ANKS1B: variants seen among roughly 807,000 people sequenced by gnomAD.
ANKS1B encodes ankyrin repeat and sterile alpha motif domain-containing protein 1B.
Under a neutral mutation model 148.3 loss-of-function variants are expected in ANKS1B, and 36 were observed. The ratio of observed to expected loss-of-function variants is 0.24; its 90% CI spans 0.19 to 0.32. The LOEUF (loss-of-function observed/expected upper bound fraction) is 0.32. Ranked by LOEUF, ANKS1B falls within the 10% of genes least tolerant of loss-of-function variation. ANKS1B has a pLI of 1.00. For synonymous variants in ANKS1B, 542 were observed against 560.8 expected, an observed-to-expected ratio of 0.97 and a Z score of 0.47; for missense variants, 1,157 against 1,542.6, an observed-to-expected ratio of 0.75 and a Z score of 4.19.
intron 19 of ANKS1B, among the ~76,000 whole-genome samples, chr12:98,826,266 C>T (rs146035714): frequency 2.6e-5 from 4 of 152,242 alleles, no homozygotes; most frequent in African/African-American, 9.6e-5. Flanking sequence ...ACAATATTTG[C>T]AAATCCCCTG....
rs545596729 is a variant in ANKS1B at position 99,461,436 on chromosome 12, AAAG to A, written c.1439-17630_1439-17628del. Among the ~76,000 whole-genome samples, 36 of 152,284 alleles carry A rather than the reference AAAG, an allele frequency of 2.4e-4. No individual in the cohort carries two copies. The South Asian group carries it at 4.6e-3, about 19-fold the overall frequency. The stretch of plus-strand genomic sequence containing the variant: ...CTAAAAACCTATTAAAATTAAAAAA[AAAG>A]AAGAAGAAAATGAACTTGCTAAATC... On this transcript the variant is annotated intron_variant, in intron 10 of 26. Coordinates refer to ENST00000683438, the MANE Select transcript of ANKS1B (RefSeq NM_001352186.2).
At chr12:99,634,643 A>G (rs1370583885) in intron 9 of ANKS1B, among the ~76,000 whole-genome samples, 2 of 152,328 alleles carry the variant, frequency 1.3e-5, no homozygotes, top group East Asian at 1.9e-4. Context: ...CAAAATCTCA[A>G]CAGGTAAAAT....
At chr12:99,053,624 G>T (rs2099967648) in intron 16 of ANKS1B, among the ~76,000 whole-genome samples, 1 of 152,202 alleles carries the variant, frequency 6.6e-6, no homozygotes, top group African/African-American at 2.4e-5. Flanking sequence ...AATTAAAAAT[G>T]ATGTCAGTTG....
intron 9 of ANKS1B, among the ~76,000 whole-genome samples, chr12:99,516,886 T>G (rs978167563): frequency 3.3e-5 from 5 of 152,154 alleles, no homozygotes; most frequent in African/African-American, 1.2e-4. Flanking sequence ...CCTGTTCTTA[T>G]GCAGTACTAT....
intron 10 of ANKS1B, among the ~76,000 whole-genome samples, chr12:99,460,257 A>G (rs1232951447): frequency 6.6e-6 from 1 of 152,178 alleles, no homozygotes; most frequent in African/African-American, 2.4e-5. Flanking sequence ...CTTAAACAAA[A>G]ATCAACTCAA....
At chr12:98,921,919 A>G (rs2099801922) in intron 17 of ANKS1B, among the ~76,000 whole-genome samples, 1 of 152,220 alleles carries the variant, frequency 6.6e-6, no homozygotes. Context: ...TTCAGAATGG[A>G]TCATAAAAGA....
intron 10 of ANKS1B, among the ~76,000 whole-genome samples, chr12:99,447,032 A>G (rs1266225210): frequency 6.6e-6 from 1 of 152,084 alleles, no homozygotes; most frequent in Non-Finnish European, 1.5e-5. Context: ...TTGAACAAAA[A>G]GAAAAAACTG....
chr12:99,427,339 T>G (rs2095276847), intron 11 of ANKS1B, among the ~76,000 whole-genome samples: 1 of 152,204 alleles, frequency 6.6e-6, no homozygotes, highest in Non-Finnish European at 1.5e-5. Context: ...GCTCCAGTCA[T>G]GCATGCCTTC....
chr12:99,148,382 G>C (rs887652419), intron 15 of ANKS1B, among the ~76,000 whole-genome samples: 3 of 151,794 alleles, frequency 2.0e-5, no homozygotes, highest in Non-Finnish European at 2.9e-5. Flanking sequence ...GGAGGAAAAG[G>C]CTCCTTTTTA....
At chr12:99,525,219 AC>A (rs1373588188) in intron 9 of ANKS1B, among the ~76,000 whole-genome samples, 1 of 152,220 alleles carries the variant, frequency 6.6e-6, no homozygotes, top group Non-Finnish European at 1.5e-5. Flanking sequence ...TAAGAGAAGG[AC>A]ATAAAATTGG....
chr12:99,715,641 T>C (rs2057220759), intron 8 of ANKS1B, among the ~76,000 whole-genome samples: 1 of 152,022 alleles, frequency 6.6e-6, no homozygotes, highest in African/African-American at 2.4e-5. Flanking sequence ...CCTTGGGAGA[T>C]CAATCCCCTG....
At position 99,718,058 on chromosome 12, in the gene ANKS1B, C is replaced by A. The variant is rs548232206; in HGVS notation, c.1128+54864G>T. Among the ~76,000 whole-genome samples the A allele has an allele frequency of 5.9e-5, 9 of 151,680 alleles. No homozygotes were observed. In the South Asian group the frequency reaches 1.3e-3, roughly 21 times the overall value. On this transcript the variant is annotated intron_variant, in intron 8 of 26. Transcript: ENST00000683438. ...AGCTGGGACTACAGGCGCCCGCTAC[C>A]ACGCCCGGCTAATTTTTTGTATTTT...
intron 14 of ANKS1B, among the ~76,000 whole-genome samples, chr12:99,171,069 C>T (rs1318392160): frequency 6.6e-6 from 1 of 152,160 alleles, no homozygotes; most frequent in East Asian, 1.9e-4. Flanking sequence ...CTATGTGAGC[C>T]TGCCTTTCTG....
chr12:99,190,402 A>G (rs1486881123), intron 14 of ANKS1B, among the ~76,000 whole-genome samples: 2 of 152,242 alleles, frequency 1.3e-5, no homozygotes, highest in African/African-American at 4.8e-5. Flanking sequence ...CTAAGCAAAA[A>G]GATCAAAACT....
intron 16 of ANKS1B, chr12:99,079,641 A>G (rs1018286083): frequency 6.6e-6 from 1 of 152,230 alleles, no homozygotes; most frequent in Non-Finnish European, 1.5e-5. Context: ...CAGAGAGACA[A>G]CAGCAGAGAT....
At chr12:99,294,691 C>T (rs2080583235) in intron 12 of ANKS1B, among the ~76,000 whole-genome samples, 1 of 151,930 alleles carries the variant, frequency 6.6e-6, no homozygotes, top group Non-Finnish European at 1.5e-5. Flanking sequence ...TTCGCTCCTG[C>T]TGCCGAGGCT....
At chr12:99,155,196 CTT>C in intron 14 of ANKS1B, 1 of 1,252,192 alleles carries the variant, frequency 8.0e-7, no homozygotes, top group Non-Finnish European at 1.1e-6. Context: ...TCTCCTTTTC[CTT>C]TCTTTCCTGT....
intron 9 of ANKS1B, among the ~76,000 whole-genome samples, chr12:99,596,357 T>C (rs543121467): frequency 2.0e-5 from 3 of 151,916 alleles, no homozygotes; most frequent in South Asian, 4.1e-4. Context: ...TATATACTCA[T>C]ATAAACCTTT....
intron 1 of ANKS1B, among the ~76,000 whole-genome samples, chr12:99,902,138 A>G (rs1395148622): frequency 6.6e-6 from 1 of 152,234 alleles, no homozygotes; most frequent in Non-Finnish European, 1.5e-5. Context: ...GTGATTCTAG[A>G]TCCACTTACA....
Sources: allele counts gnomAD v4.1 joint callset (sites outside exome capture counted in the v4.1 genomes callset), GRCh38; gene constraint gnomAD v4.1.1; transcripts MANE v1.5; gene names NCBI Gene and HGNC (gene_info 2026-07-23, HGNC 2026-07-21).